The following XRCC5 variants were observed in gnomAD, a reference collection of about 807,000 sequenced individuals.
XRCC5 encodes the protein DNA repair protein Ku80.
Under a neutral mutation model 95.7 loss-of-function variants are expected in XRCC5, and 12 were observed. The ratio of observed to expected loss-of-function variants is 0.13; its 90% CI spans 0.08 to 0.20. The LOEUF is 0.20. XRCC5 is among the 10% of genes least tolerant of loss of function. The pLI is 1.00. For missense variants in XRCC5, 595 were observed against 873.9 expected (o/e 0.68, Z 4.02); for synonymous variants, 281 against 290.3 (o/e 0.97, Z 0.33).
intron 16 of XRCC5, among the ~76,000 whole-genome samples, chr2:216,178,731 C>G (rs911633827): frequency 1.3e-5 from 2 of 152,094 alleles, no homozygotes; most frequent in African/African-American, 2.4e-5. Context: ...TTATTGTAAC[C>G]ATTTCCATCT....
intron 14 of XRCC5, among the ~76,000 whole-genome samples, chr2:216,157,220 T>C (rs1346764174): frequency 9.8e-6 from 1 of 101,798 alleles, no homozygotes; most frequent in Non-Finnish European, 2.3e-5. Flanking sequence ...CTATTTTCTT[T>C]TTTTTTTGTT....
Position 216,127,642 on chromosome 2 carries a change from A to G in XRCC5, c.905A>G (p.Glu302Gly), listed in dbSNP as rs1229487218. Reference sequence around the variant, plus strand: ...GTTTATTGCTTAAATGATGATGATGAAACTGAAGTTTTAAAAGAGGATATT... The same window carrying G: ...GTTTATTGCTTAAATGATGATGATGGAACTGAAGTTTTAAAAGAGGATATT... ...ETVYCLNDDD[E>G]TEVLKEDIIQ... Residue 302 changes from glutamate (E) to glycine (G), a missense_variant, in exon 8 of 21, where the codon GAA (glutamate) becomes GGA (glycine). Glu to Gly is a moderately conservative substitution (Grantham distance 98). This residue lies in a region of XRCC5 where 286 missense variants were observed against 491.1 expected (regional missense o/e 0.58). Transcript: ENST00000392132. 1 of 1,607,374 alleles carries G rather than the reference A, an allele frequency of 6.2e-7. No individual in the cohort carries two copies. The highest frequency in any genetic ancestry group is 2.2e-5 in the East Asian group (1 of 44,714).
chr2:216,154,975 A>G (rs1688815577), intron 14 of XRCC5, among the ~76,000 whole-genome samples: 1 of 152,124 alleles, frequency 6.6e-6, no homozygotes. Context: ...AAAAAAAACC[A>G]TTTATCATTT....
chr2:216,121,770 G>C (rs961170071), intron 5 of XRCC5, among the ~76,000 whole-genome samples: 36 of 151,804 alleles, frequency 2.4e-4, no homozygotes, highest in African/African-American at 8.3e-4. Context: ...TAGAGACAGA[G>C]AGAGTAATCC....
At chr2:216,164,036 G>C (rs1689005058) in intron 16 of XRCC5, among the ~76,000 whole-genome samples, 1 of 152,216 alleles carries the variant, frequency 6.6e-6, no homozygotes, top group African/African-American at 2.4e-5. Flanking sequence ...CAGTACTTCA[G>C]AATTTCTCTC....
intron 15 of XRCC5, 110 bp from the exon 16 acceptor site, chr2:216,161,869 G>T: frequency 1.1e-6 from 1 of 877,278 alleles, no homozygotes; most frequent in South Asian, 1.5e-5. Flanking sequence ...CTTTGTCTTT[G>T]GTTTTATTTT....
At chr2:216,159,920 G>A (rs753947677) in intron 14 of XRCC5, 148 bp from the exon 15 acceptor site, 25 of 556,446 alleles carry the variant, frequency 4.5e-5, no homozygotes, top group Non-Finnish European at 6.7e-5. Flanking sequence ...TGTAGCTATT[G>A]TTTTTCTTTT....
chr2:216,141,438 T>C (rs910166549), intron 13 of XRCC5, 119 bp downstream of exon 13: 4 of 985,646 alleles, frequency 4.1e-6, no homozygotes, highest in Non-Finnish European at 5.8e-6. Context: ...CCCCATTTGC[T>C]CTATTTAATG....
chr2:216,195,799 A>G (rs1190918518), intron 19 of XRCC5, among the ~76,000 whole-genome samples: 3 of 152,204 alleles, frequency 2.0e-5, no homozygotes, highest in Non-Finnish European at 4.4e-5. Flanking sequence ...TCAAAAGTAT[A>G]TACTTCGTAA....
intron 16 of XRCC5, among the ~76,000 whole-genome samples, chr2:216,173,112 G>A (rs996224169): frequency 1.3e-4 from 19 of 151,958 alleles, no homozygotes; most frequent in African/African-American, 4.3e-4. Flanking sequence ...ATTAGTTCTT[G>A]TGGTTTTTTA....
chr2:216,143,917 T>C (rs1697211173), intron 13 of XRCC5, among the ~76,000 whole-genome samples: 1 of 151,634 alleles, frequency 6.6e-6, no homozygotes. Flanking sequence ...GGTTTCGCTG[T>C]GTTAGCCAGG....
intron 19 of XRCC5, chr2:216,203,942 AGTTTGGGGTG>A (rs1296658211): frequency 5.3e-6 from 1 of 187,672 alleles, no homozygotes; most frequent in African/African-American, 2.4e-5. Context: ...AGAGCATACT[AGTTTGGGGTG>A]GTTGGTTATT....
intron 19 of XRCC5, among the ~76,000 whole-genome samples, chr2:216,195,764 A>G (rs1046004448): frequency 5.3e-5 from 8 of 152,166 alleles, no homozygotes; most frequent in African/African-American, 1.7e-4. Flanking sequence ...TTGTGATGAA[A>G]TTTTAATGAA....
Position 216,194,961 on chromosome 2 carries a change from C to G in XRCC5, c.2084C>G (p.Ser695Cys). Residue 695 changes from serine (S) to cysteine (C), a missense_variant, in exon 19 of 21, where the codon TCT becomes TGT. Transcript: ENST00000392132. ...LITKEEASGS[S>C]VTAEEAKKFL... ...ACCAAAGAGGAAGCCTCTGGAAGTT[C>G]TGTCACAGCTGAGGAAGCCAAAAAG... 6.2e-7 allele frequency: 1 copy of G among 1,614,188 alleles called. No homozygotes were observed. Among genetic ancestry groups the G allele is most frequent in the Admixed American group, 1.7e-5 (1 of 60,026 alleles).
chr2:216,152,432 C>T (rs1206313438), intron 14 of XRCC5, among the ~76,000 whole-genome samples: 3 of 150,136 alleles, frequency 2.0e-5, no homozygotes, highest in Non-Finnish European at 4.4e-5. Context: ...CAGAGTGAGA[C>T]TGTCTTAAAA....
intron 5 of XRCC5, among the ~76,000 whole-genome samples, chr2:216,119,511 A>G (rs966991470): frequency 1.3e-5 from 2 of 152,190 alleles, no homozygotes; most frequent in Admixed American, 1.3e-4. Flanking sequence ...TACCCAAACA[A>G]TTAGCAGATT....
chr2:216,163,757 A>G (rs1160793245), intron 16 of XRCC5, among the ~76,000 whole-genome samples: 3 of 152,226 alleles, frequency 2.0e-5, no homozygotes, highest in African/African-American at 7.2e-5. Context: ...GAGAGCTTAC[A>G]GTCTACCAGG....
At chr2:216,120,596 A>G (rs1489316497) in intron 5 of XRCC5, among the ~76,000 whole-genome samples, 2 of 151,344 alleles carry the variant, frequency 1.3e-5, no homozygotes, top group African/African-American at 4.9e-5. Context: ...TTTTTTTTTT[A>G]GAAACGTCTT....
At chr2:216,157,914 T>A (rs1324814632) in intron 14 of XRCC5, among the ~76,000 whole-genome samples, 6 of 152,218 alleles carry the variant, frequency 3.9e-5, no homozygotes, top group Non-Finnish European at 8.8e-5. Flanking sequence ...GTCATTACCC[T>A]TTCCCACTTC....
Sources: gnomAD v4.1 joint callset for allele counts (sites outside exome capture counted in the v4.1 genomes callset) on GRCh38, gnomAD v4.1.1 for gene constraint, gnomAD v4.1.1 regional missense constraint, MANE v1.5 for transcripts, NCBI Gene and HGNC (gene_info 2026-07-23, HGNC 2026-07-21) for gene names.